The following GRID1 variants were observed in gnomAD, a reference collection of about 807,000 sequenced individuals.
GRID1 encodes glutamate ionotropic receptor delta type subunit 1, also known as glutamate receptor ionotropic, delta-1.
In GRID1, 28 loss-of-function variants were observed where a neutral mutation model predicts 98.0. That is an observed-to-expected ratio of 0.29 (90% confidence interval 0.21 to 0.39). GRID1 has a LOEUF of 0.39. Among genes scored for constraint, GRID1 ranks in the 10% least tolerant of loss-of-function variants. The pLI is 1.00. For missense variants in GRID1, 1,111 were observed against 1,340.5 expected, an observed-to-expected ratio of 0.83 and a Z score of 2.67; for synonymous variants, 553 against 538.5, an observed-to-expected ratio of 1.03 and a Z score of -0.37.
At chr10:85,930,992 A>G (rs1841844205) in intron 4 of GRID1, among the ~76,000 whole-genome samples, 1 of 152,040 alleles carries the variant, frequency 6.6e-6, no homozygotes, top group African/African-American at 2.4e-5. Context: ...GGTGTATAAC[A>G]CTATGCTGGC....
intron 4 of GRID1, among the ~76,000 whole-genome samples, chr10:85,980,801 T>C (rs1842535477): frequency 6.6e-6 from 1 of 152,238 alleles, no homozygotes; most frequent in South Asian, 2.1e-4. Flanking sequence ...AGACCCTGCA[T>C]CTGCTTCTTA....
At chr10:86,005,452 T>C (rs1047335432) in intron 4 of GRID1, among the ~76,000 whole-genome samples, 1 of 152,170 alleles carries the variant, frequency 6.6e-6, no homozygotes, top group Non-Finnish European at 1.5e-5. Context: ...GAGAGACTAC[T>C]GGTTAATCAT....
At chr10:85,947,405 GGA>G (rs1473769378) in intron 4 of GRID1, among the ~76,000 whole-genome samples, 6 of 152,114 alleles carry the variant, frequency 3.9e-5, no homozygotes, top group Non-Finnish European at 5.9e-5. Context: ...TAATGGCCAT[GGA>G]TAACTTTCGT....
chr10:86,307,239 G>C (rs1198337588), intron 2 of GRID1, among the ~76,000 whole-genome samples: 2 of 152,136 alleles, frequency 1.3e-5, no homozygotes, highest in African/African-American at 4.8e-5. Context: ...AAGAAATATT[G>C]CACTCCCATG....
chr10:86,145,604 T>C (rs1210107831), intron 3 of GRID1, among the ~76,000 whole-genome samples: 1 of 145,570 alleles, frequency 6.9e-6, no homozygotes, highest in Non-Finnish European at 1.5e-5. Flanking sequence ...CAATTTGAAA[T>C]TTACAGAGCC....
intron 3 of GRID1, among the ~76,000 whole-genome samples, chr10:86,149,854 A>G (rs1408899459): frequency 2.6e-5 from 4 of 152,146 alleles, no homozygotes; most frequent in Non-Finnish European, 4.4e-5. Flanking sequence ...CATGTTTCAA[A>G]TCTCTGGCTC....
chr10:86,186,006 T>C lies in GRID1; in HGVS notation c.520+20358A>G, dbSNP rs2132004783. On this transcript the variant is annotated intron_variant, in intron 3 of 15. Coordinates refer to ENST00000327946, the MANE Select transcript of GRID1 (RefSeq NM_017551.3). ...GCATAAATTGGTAATATTTCTCTCT[T>C]AAATATTTGGCAGAATTAACAGTGA... 2.6e-5 allele frequency among the ~76,000 whole-genome samples: 4 copies of C among 152,328 alleles called. No homozygotes were observed. In the Middle Eastern group the frequency reaches 0.01, roughly 389 times the overall value.
chr10:86,098,412 C>T (rs973367024), intron 4 of GRID1, among the ~76,000 whole-genome samples: 1 of 152,332 alleles, frequency 6.6e-6, no homozygotes, highest in Non-Finnish European at 1.5e-5. Context: ...GCAGGATCCT[C>T]TATAACTTGG....
intron 4 of GRID1, among the ~76,000 whole-genome samples, chr10:86,047,710 GT>G (rs1168241236): frequency 6.6e-6 from 1 of 152,056 alleles, no homozygotes; most frequent in Non-Finnish European, 1.5e-5. Context: ...GCCCTCCATG[GT>G]GCAGCAGAAG....
intron 4 of GRID1, among the ~76,000 whole-genome samples, chr10:86,103,479 G>A (rs1028235320): frequency 2.0e-5 from 3 of 152,190 alleles, no homozygotes; most frequent in Non-Finnish European, 2.9e-5. Flanking sequence ...ATGTAAGGAG[G>A]CTCAACTGCA....
chr10:86,013,179 A>C (rs1842940707), intron 4 of GRID1, among the ~76,000 whole-genome samples: 1 of 152,230 alleles, frequency 6.6e-6, no homozygotes, highest in African/African-American at 2.4e-5. Context: ...TTCAGCAGTA[A>C]GATAAACTTC....
chr10:86,268,109 A>C (rs909277967), intron 2 of GRID1, among the ~76,000 whole-genome samples: 5 of 152,110 alleles, frequency 3.3e-5, no homozygotes, highest in Non-Finnish European at 5.9e-5. Context: ...CTCTCCACCA[A>C]GCAGCCCCAG....
At chr10:86,238,438 G>A (rs1240167567) in intron 2 of GRID1, among the ~76,000 whole-genome samples, 1 of 152,134 alleles carries the variant, frequency 6.6e-6, no homozygotes, top group Non-Finnish European at 1.5e-5. Flanking sequence ...GAGGCAGGCA[G>A]ATCATGAGGT....
chr10:86,169,175 A>T (rs1451300237), intron 3 of GRID1, among the ~76,000 whole-genome samples: 1 of 152,234 alleles, frequency 6.6e-6, no homozygotes, highest in African/African-American at 2.4e-5. Flanking sequence ...ACAGCAGACC[A>T]AAAGGGCCAC....
At chr10:85,703,252 A>T (rs931179556) in intron 12 of GRID1, among the ~76,000 whole-genome samples, 5 of 152,094 alleles carry the variant, frequency 3.3e-5, no homozygotes, top group Admixed American at 6.6e-5. Context: ...TACTTATTAT[A>T]TTGCTCAAAA....
rs572732184 is a variant in GRID1 at position 85,958,094 on chromosome 10, C to G, written c.727-41855G>C. Among the ~76,000 whole-genome samples the G allele has an allele frequency of 2.6e-5, 4 of 152,372 alleles. No homozygotes were observed. In the South Asian group the frequency reaches 6.2e-4, roughly 24 times the overall value. ...ACCTCACAGGCCCAGGGCCAATAACCTCTAGAAACCCCTCTGACCCCTGCT... is the reference window on the plus strand; with the variant it reads ...ACCTCACAGGCCCAGGGCCAATAACGTCTAGAAACCCCTCTGACCCCTGCT... On this transcript the variant is annotated intron_variant, in intron 4 of 15. Transcript: ENST00000327946.
intron 3 of GRID1, among the ~76,000 whole-genome samples, chr10:86,199,346 T>C (rs1845916517): frequency 6.6e-6 from 1 of 152,162 alleles, no homozygotes; most frequent in African/African-American, 2.4e-5. Flanking sequence ...TCATAATATA[T>C]TTAACCAATT....
intron 4 of GRID1, among the ~76,000 whole-genome samples, chr10:85,968,016 A>G (rs1842359478): frequency 6.6e-6 from 1 of 152,264 alleles, no homozygotes. Flanking sequence ...AGATACTAGA[A>G]GTCCTTTAGT....
At chr10:86,057,231 G>A (rs980078331) in intron 4 of GRID1, among the ~76,000 whole-genome samples, 4 of 152,184 alleles carry the variant, frequency 2.6e-5, no homozygotes, top group African/African-American at 9.7e-5. Context: ...AGGACATTTG[G>A]GTCTTCAAGG....
Sources: gnomAD v4.1 joint callset for allele counts (sites outside exome capture counted in the v4.1 genomes callset) on GRCh38, gnomAD v4.1.1 for gene constraint, MANE v1.5 for transcripts, NCBI Gene and HGNC (gene_info 2026-07-23, HGNC 2026-07-21) for gene names.